Variants in AP1M1 observed in about 807,000 individuals in gnomAD.
AP1M1 encodes the protein adaptor related protein complex 1 subunit mu 1, also known as AP-1 complex subunit mu-1.
A neutral mutation model predicts 57.1 loss-of-function variants in AP1M1; 18 were observed. That is an observed-to-expected ratio of 0.32 (90% CI 0.22 to 0.47). The LOEUF (loss-of-function observed/expected upper bound fraction) is 0.47. Ranked by LOEUF, AP1M1 falls within the 20% of genes least tolerant of loss-of-function variation. AP1M1 has a pLI of 1.00. For missense variants in AP1M1, 362 were observed against 593.5 expected (o/e 0.61, Z 4.05); for synonymous variants, 241 against 237.9 (o/e 1.01, Z -0.12).
chr19:16,228,152 T>C lies in AP1M1; in HGVS notation c.832T>C (p.Trp278Arg). The C allele has an allele frequency of 6.2e-7, 1 of 1,613,926 alleles. No individual in the cohort carries two copies. Among genetic ancestry groups the C allele is most frequent in the Non-Finnish European group, 8.5e-7 (1 of 1,180,020 alleles). The change falls in exon 8 of 12, where the codon TGG becomes CGG. Residue 278 changes from tryptophan to arginine, a missense_variant. Trp to Arg is a moderately radical substitution (Grantham distance 101, BLOSUM62 -3). Coordinates refer to ENST00000291439, the MANE Select transcript of AP1M1 (RefSeq NM_032493.4). The surrounding 1 kb of genome is among the most constrained non-coding windows in gnomAD (Gnocchi z 5.0). ...TCCTTGGCAGGTCAAGCCTTTGATA[T>C]GGATCGAGTCGGTGATCGAGAAGCA... Reference protein sequence around the residue: ...RLNTHVKPLIWIESVIEKHSH... With the variant: ...RLNTHVKPLIRIESVIEKHSH...
rs1188644092 is a variant in AP1M1 at position 16,244,137 on chromosome 19, G to A, written c.*9702G>A. 6.6e-6 allele frequency: 1 copy of A among 152,210 alleles called. No homozygotes were observed. The highest frequency in any genetic ancestry group is 1.5e-5 in the Non-Finnish European group (1 of 68,042). The allele number at this position is 152,210 out of a possible 1,614,324, so 9.4% of individuals were successfully genotyped here. On this transcript the variant is annotated 3_prime_UTR_variant, in exon 12 of 12. Coordinates refer to ENST00000291439, the MANE Select transcript of AP1M1 (RefSeq NM_032493.4). ...GTAAAGACACATCACCTTCAGACAT[G>A]ACAACCAGACAGACAGACAGCTGGC...
At chr19:16,213,847 C>T (rs1440334339) in intron 5 of AP1M1, among the ~76,000 whole-genome samples, 1 of 152,128 alleles carries the variant, frequency 6.6e-6, no homozygotes, top group African/African-American at 2.4e-5. Flanking sequence ...CTTTATCCAG[C>T]TCTTGCCACT....
chr19:16,231,410 G>GT (rs375487278), intron 9 of AP1M1, among the ~76,000 whole-genome samples: 1,755 of 146,746 alleles, frequency 0.012, 45 homozygotes, highest in African/African-American at 0.041. Flanking sequence ...TTTTAGGTTA[G>GT]TTTTTTTTGT....
At chr19:16,224,535 C>T (rs1330285431) in intron 5 of AP1M1, among the ~76,000 whole-genome samples, 1 of 152,250 alleles carries the variant, frequency 6.6e-6, no homozygotes, top group Non-Finnish European at 1.5e-5. Context: ...GCAAGCATCC[C>T]TTCAGCACCC....
chr19:16,209,359 C>G, intron 5 of AP1M1, 182 bp downstream of exon 5: 2 of 622,078 alleles, frequency 3.2e-6, no homozygotes, highest in Non-Finnish European at 5.2e-6. Flanking sequence ...GAGACGGAAT[C>G]TCATTCTGTC....
intron 1 of AP1M1, among the ~76,000 whole-genome samples, chr19:16,201,010 G>GA (rs1488366419): frequency 6.6e-6 from 1 of 152,140 alleles, no homozygotes; most frequent in Admixed American, 6.5e-5. Flanking sequence ...TGAGACACCA[G>GA]AGAGGTCCCG....
intron 1 of AP1M1, among the ~76,000 whole-genome samples, chr19:16,199,593 C>T (rs1015474200): frequency 7.2e-5 from 11 of 152,274 alleles, no homozygotes; most frequent in East Asian, 1.9e-4. Context: ...TGCCCCTTCC[C>T]GCCCCACCCC....
At chr19:16,199,077 G>A (rs1248803521) in intron 1 of AP1M1, among the ~76,000 whole-genome samples, 1 of 152,140 alleles carries the variant, frequency 6.6e-6, no homozygotes. Flanking sequence ...CAAAGTGCTG[G>A]GATTACAGGT....
Position 16,228,996 on chromosome 19 carries a change from A to G in AP1M1, c.1047+68A>G. 6.4e-7 allele frequency: 1 copy of G among 1,553,270 alleles called. No individual in the cohort carries two copies. Among genetic ancestry groups the G allele is most frequent in the Middle Eastern group, 1.7e-4 (1 of 5,942 alleles). ...CTCTGCAAGGCAGCCTGGGTGCCTC[A>G]GGACCCCCTGCACCTCAAGATGGGG... On this transcript the variant is annotated intron_variant, in intron 9 of 11. Transcript: ENST00000291439. This position sits in a 1 kb window ranked among gnomAD's most constrained non-coding sequence, Gnocchi z 5.0.
In AP1M1 at chr19:16,228,885, T is replaced by G; in HGVS notation, c.1004T>G (p.Val335Gly). 1 of 1,613,902 alleles carries G rather than the reference T, an allele frequency of 6.2e-7. No homozygotes were observed. Reference sequence around the variant, plus strand: ...ACGACGGTGGGGAGCGTTAAGTGGGTCCCCGAGAACAGCGAGATCGTGTGG... The same window carrying G: ...ACGACGGTGGGGAGCGTTAAGTGGGGCCCCGAGAACAGCGAGATCGTGTGG... ...FKTTVGSVKWVPENSEIVWSI... is the reference protein window; with the variant it reads ...FKTTVGSVKWGPENSEIVWSI... Residue 335 changes from valine (V) to glycine (G), a missense_variant, in exon 9 of 12, where the codon GTC becomes GGC. Physicochemically the swap from Val to Gly is moderately radical, Grantham distance 109 (BLOSUM62 -3). Transcript: ENST00000291439. This position sits in a 1 kb window ranked among gnomAD's most constrained non-coding sequence, Gnocchi z 5.0.
At chr19:16,208,753 T>C (rs567650736) in intron 4 of AP1M1, 55 of 341,106 alleles carry the variant, frequency 1.6e-4, no homozygotes, top group Middle Eastern at 1.7e-3. Context: ...CTTGTTTTCC[T>C]TCCCAACATG....
chr19:16,237,053 G>A lies in AP1M1; in HGVS notation c.*2618G>A, dbSNP rs531914167. 5 of 152,306 alleles carry A rather than the reference G, an allele frequency of 3.3e-5. No individual in the cohort carries two copies. The highest frequency in any genetic ancestry group is 1.9e-4 in the East Asian group (1 of 5,194). The allele number at this position is 152,306 out of a possible 1,614,324, so 9.4% of individuals were successfully genotyped here. A position where few individuals can be genotyped will look rare whatever the true frequency, so the allele number is the denominator to read the frequency against. The stretch of plus-strand genomic sequence containing the variant: ...CCAACAAGGCAAATAATTTGCATGC[G>A]GGTTATAACGTCTACAAATCAGAAA... On this transcript the variant is annotated 3_prime_UTR_variant, in exon 12 of 12. Coordinates refer to ENST00000291439, the MANE Select transcript of AP1M1 (RefSeq NM_032493.4).
Position 16,209,189 on chromosome 19 carries a change from T to G in AP1M1, c.546+12T>G, listed in dbSNP as rs1193067179. The G allele has an allele frequency of 6.2e-7, 1 of 1,613,320 alleles. No individual in the cohort carries two copies. The highest frequency in any genetic ancestry group is 1.7e-5 in the Admixed American group (1 of 59,754). Reference sequence around the variant, plus strand: ...CTGTCAACCTCTTGGTAGGCCTCTTTTCTTTCCTTCTTCTGTAGGGTTTTA... The same window carrying G: ...CTGTCAACCTCTTGGTAGGCCTCTTGTCTTTCCTTCTTCTGTAGGGTTTTA... On this transcript the variant is annotated intron_variant, in intron 5 of 11. Transcript: ENST00000291439.
chr19:16,232,767 G>A (rs1393777022), intron 9 of AP1M1, among the ~76,000 whole-genome samples: 1 of 152,226 alleles, frequency 6.6e-6, no homozygotes, highest in South Asian at 2.1e-4. Flanking sequence ...AGCAGAGACT[G>A]TGGGGTCCCA....
At chr19:16,200,653 T>C (rs1210234923) in intron 1 of AP1M1, among the ~76,000 whole-genome samples, 2 of 152,222 alleles carry the variant, frequency 1.3e-5, no homozygotes, top group African/African-American at 4.8e-5. Flanking sequence ...GCCACGTGTC[T>C]GGTCACCGAG....
chr19:16,229,788 G>GTC (rs1214652918), intron 9 of AP1M1, among the ~76,000 whole-genome samples: 1 of 152,194 alleles, frequency 6.6e-6, no homozygotes, highest in African/African-American at 2.4e-5. Context: ...CTTTCCGCGT[G>GTC]TCTCCTCACC....
At chr19:16,209,369 C>T (rs1001344672) in intron 5 of AP1M1, 192 bp downstream of exon 5, 7 of 578,008 alleles carry the variant, frequency 1.2e-5, no homozygotes, top group Middle Eastern at 5.3e-4. Flanking sequence ...CTCATTCTGT[C>T]GCCCAGGCTA....
intron 6 of AP1M1, 194 bp downstream of exon 6, chr19:16,226,741 A>G: frequency 1.4e-6 from 1 of 705,752 alleles, no homozygotes; most frequent in Non-Finnish European, 2.1e-6. Flanking sequence ...CAGGGGAGTG[A>G]AGATCCTCCA....
At chr19:16,231,372 G>C (rs1162053850) in intron 9 of AP1M1, among the ~76,000 whole-genome samples, 2 of 148,900 alleles carry the variant, frequency 1.3e-5, no homozygotes, top group Non-Finnish European at 3.0e-5. Flanking sequence ...CCCTTTCTTA[G>C]ATTGCTCCAT....
Sources: gnomAD v4.1 joint callset for allele counts (sites outside exome capture counted in the v4.1 genomes callset) on GRCh38, gnomAD v4.1.1 for gene constraint, Gnocchi (gnomAD v3.1) non-coding constraint, MANE v1.5 for transcripts, NCBI Gene and HGNC (gene_info 2026-07-23, HGNC 2026-07-21) for gene names.